The following RBFOX1 variants were observed in gnomAD, a reference collection of about 807,000 sequenced individuals.
The protein encoded by RBFOX1 is RNA binding fox-1 homolog 1.
Under a neutral mutation model 57.7 loss-of-function variants are expected in RBFOX1, and 8 were observed. The ratio of observed to expected loss-of-function variants is 0.14; its 90% CI spans 0.08 to 0.25. The LOEUF (loss-of-function observed/expected upper bound fraction) is 0.25, where lower values mean the gene tolerates loss of function less well. RBFOX1 is among the 10% of genes least tolerant of loss of function. RBFOX1 has a pLI of 1.00. For missense variants in RBFOX1, 611 were observed against 548.5 expected, an observed-to-expected ratio of 1.11 and a Z score of -1.14; for synonymous variants, 326 against 222.4, an observed-to-expected ratio of 1.47 and a Z score of -4.15.
intron 1 of RBFOX1, among the ~76,000 whole-genome samples, chr16:6,102,712 C>T (rs571942278): frequency 6.6e-5 from 10 of 152,294 alleles, no homozygotes; most frequent in East Asian, 5.8e-4. Flanking sequence ...ATTTTCGCCT[C>T]GATTTCCAAG....
intron 3 of RBFOX1, among the ~76,000 whole-genome samples, chr16:6,989,489 A>G (rs2091034478): frequency 6.6e-6 from 1 of 152,190 alleles, no homozygotes; most frequent in Non-Finnish European, 1.5e-5. Flanking sequence ...TGTAATTATT[A>G]TATAGCAATC....
chr16:7,100,174 A>T (rs2062430803), intron 4 of RBFOX1, among the ~76,000 whole-genome samples: 2 of 152,136 alleles, frequency 1.3e-5, no homozygotes, highest in South Asian at 4.1e-4. Context: ...AACAAAATTG[A>T]AGTTGAAAGG....
chr16:7,629,089 A>G (rs2060523476), intron 10 of RBFOX1, among the ~76,000 whole-genome samples: 1 of 152,314 alleles, frequency 6.6e-6, no homozygotes. Context: ...TTCTCCAGCT[A>G]TAAGCATGGG....
intron 4 of RBFOX1, among the ~76,000 whole-genome samples, chr16:7,327,960 T>A (rs1461111779): frequency 2.0e-5 from 3 of 152,154 alleles, no homozygotes; most frequent in Non-Finnish European, 4.4e-5. Flanking sequence ...AGATACCCCC[T>A]GTCTCTCATC....
rs571038764 is a variant in RBFOX1 at position 7,000,754 on chromosome 16, G to A, written c.-15-51303G>A. Among the ~76,000 whole-genome samples, 21 of 151,746 alleles carry A rather than the reference G, an allele frequency of 1.4e-4. No individual in the cohort carries two copies. The East Asian group carries it at 1.9e-3, about 14-fold the overall frequency. ...CAAGTAGCTGGGACTACAGGTGTCC[G>A]CCATCATGCCTGGCTAACTTTCTAT... On this transcript the variant is annotated intron_variant, in intron 3 of 15. Transcript: ENST00000550418.
chr16:6,620,446 C>G (rs113569537), intron 2 of RBFOX1, among the ~76,000 whole-genome samples: 3 of 152,050 alleles, frequency 2.0e-5, no homozygotes, highest in South Asian at 4.1e-4. Flanking sequence ...ACTGGAGAAA[C>G]AAGAGCAAAC....
chr16:7,283,097 T>G (rs2095579779), intron 4 of RBFOX1, among the ~76,000 whole-genome samples: 1 of 152,178 alleles, frequency 6.6e-6, no homozygotes, highest in Non-Finnish European at 1.5e-5. Context: ...ACGACTTTTT[T>G]TCCTCTGGGT....
intron 4 of RBFOX1, among the ~76,000 whole-genome samples, chr16:7,239,434 G>C (rs538326731): frequency 1.3e-5 from 2 of 152,282 alleles, no homozygotes; most frequent in South Asian, 4.1e-4. Context: ...GGGAGCTGGA[G>C]GTTTCAGTGA....
At chr16:6,579,373 G>A (rs1419820641) in intron 2 of RBFOX1, among the ~76,000 whole-genome samples, 1 of 151,946 alleles carries the variant, frequency 6.6e-6, no homozygotes, top group Non-Finnish European at 1.5e-5. Context: ...CTGGTGATAT[G>A]GTTTGGCTTT....
chr16:7,468,343 T>G (rs1289825281), intron 4 of RBFOX1, among the ~76,000 whole-genome samples: 1 of 152,004 alleles, frequency 6.6e-6, no homozygotes, highest in Non-Finnish European at 1.5e-5. Context: ...TAAATTCTTC[T>G]CCCCTGCGTG....
intron 4 of RBFOX1, among the ~76,000 whole-genome samples, chr16:5,880,206 G>T (rs1270701697): frequency 6.6e-6 from 1 of 152,156 alleles, no homozygotes; most frequent in African/African-American, 2.4e-5. Context: ...GGAAATGGAG[G>T]CTCAGAGGGC....
intron 4 of RBFOX1, among the ~76,000 whole-genome samples, chr16:7,225,973 G>A (rs1184013570): frequency 7.9e-5 from 12 of 151,094 alleles, no homozygotes; most frequent in Non-Finnish European, 1.3e-4. Context: ...GAATCAAGGT[G>A]ACCAAATGGC....
chr16:7,349,423 TC>T (rs2097086158), intron 4 of RBFOX1, among the ~76,000 whole-genome samples: 1 of 152,206 alleles, frequency 6.6e-6, no homozygotes, highest in Admixed American at 6.5e-5. Flanking sequence ...ATAACATTTT[TC>T]CTTTGTAGAT....
At chr16:6,122,592 C>A (rs1458620907) in intron 1 of RBFOX1, among the ~76,000 whole-genome samples, 1 of 152,138 alleles carries the variant, frequency 6.6e-6, no homozygotes, top group East Asian at 1.9e-4. Flanking sequence ...CTGACTAGGC[C>A]TTCCGTGTGA....
intron 11 of RBFOX1, among the ~76,000 whole-genome samples, chr16:7,638,602 A>C (rs2062187412): frequency 6.6e-6 from 1 of 152,206 alleles, no homozygotes; most frequent in East Asian, 1.9e-4. Flanking sequence ...GCCAGGGCTT[A>C]GCAAAATTAT....
At chr16:5,349,619 G>GT (rs1289392265) in intron 1 of RBFOX1, among the ~76,000 whole-genome samples, 1 of 1,082 alleles carries the variant, frequency 9.2e-4, no homozygotes, top group Non-Finnish European at 0.015. Context: ...GTTTCAGTGA[G>GT]CCAGACCATG....
chr16:6,177,614 C>T (rs1393455854), intron 1 of RBFOX1, among the ~76,000 whole-genome samples: 1 of 152,088 alleles, frequency 6.6e-6, no homozygotes, highest in African/African-American at 2.4e-5. Flanking sequence ...ACCTTTTCCC[C>T]TCACTGTCAT....
intron 4 of RBFOX1, among the ~76,000 whole-genome samples, chr16:7,109,592 C>T (rs943668129): frequency 2.0e-5 from 3 of 152,052 alleles, no homozygotes; most frequent in Admixed American, 6.6e-5. Flanking sequence ...TTTTGCACAA[C>T]CCAGGGATCA....
intron 3 of RBFOX1, among the ~76,000 whole-genome samples, chr16:6,684,190 C>A (rs992349858): frequency 6.6e-6 from 1 of 152,126 alleles, no homozygotes; most frequent in African/African-American, 2.4e-5. Flanking sequence ...CAAGGATGTA[C>A]GCAAATGTTT....
Sources: allele counts gnomAD v4.1 joint callset (sites outside exome capture counted in the v4.1 genomes callset), GRCh38; gene constraint gnomAD v4.1.1; transcripts MANE v1.5; gene names NCBI Gene and HGNC (gene_info 2026-07-23, HGNC 2026-07-21).